The following PBX3 variants were observed in gnomAD, a reference collection of about 807,000 sequenced individuals.
The protein encoded by PBX3 is pre-B-cell leukemia transcription factor 3.
In PBX3, 14 loss-of-function variants were observed where a neutral mutation model predicts 48.5. The observed-to-expected ratio is 0.29, with a 90% CI of 0.19 to 0.45. The LOEUF (loss-of-function observed/expected upper bound fraction) is 0.45. PBX3 is among the 20% of genes least tolerant of loss of function. The pLI is 1.00. For missense variants in PBX3, 386 were observed against 546.7 expected, an observed-to-expected ratio of 0.71 and a Z score of 2.93; for synonymous variants, 210 against 200.3, an observed-to-expected ratio of 1.05 and a Z score of -0.41.
chr9:125,835,265 A>G (rs906156876), intron 2 of PBX3, among the ~76,000 whole-genome samples: 3 of 152,144 alleles, frequency 2.0e-5, no homozygotes, highest in African/African-American at 7.2e-5. Context: ...CAGTATTAAT[A>G]TCCTTGTTTG....
chr9:125,780,983 C>G (rs1455610479), intron 2 of PBX3, among the ~76,000 whole-genome samples: 2 of 103,222 alleles, frequency 1.9e-5, no homozygotes, highest in Admixed American at 9.9e-5. Flanking sequence ...AGAGGCGCTC[C>G]TCACTTCCTA....
At chr9:125,790,361 T>C (rs1342227195) in intron 2 of PBX3, among the ~76,000 whole-genome samples, 1 of 151,830 alleles carries the variant, frequency 6.6e-6, no homozygotes, top group Non-Finnish European at 1.5e-5. Context: ...CAAGTGATTC[T>C]CGTGCTTCAG....
intron 2 of PBX3, among the ~76,000 whole-genome samples, chr9:125,874,793 CAA>C (rs1187744540): frequency 1.3e-5 from 2 of 152,130 alleles, no homozygotes; most frequent in Non-Finnish European, 2.9e-5. Context: ...CTATCAAAGT[CAA>C]AGATTGGCAT....
intron 2 of PBX3, among the ~76,000 whole-genome samples, chr9:125,824,420 A>G (rs1838748003): frequency 6.6e-6 from 1 of 152,228 alleles, no homozygotes; most frequent in Admixed American, 6.5e-5. Flanking sequence ...TTATTGATCC[A>G]GTATTTCAAA....
chr9:125,756,441 A>G (rs1240852529), intron 2 of PBX3, among the ~76,000 whole-genome samples: 1 of 152,208 alleles, frequency 6.6e-6, no homozygotes, highest in African/African-American at 2.4e-5. Flanking sequence ...GTTTACTCAA[A>G]CATGGAACTT....
chr9:125,964,005 C>A (rs143966563), intron 8 of PBX3, among the ~76,000 whole-genome samples: 1 of 152,020 alleles, frequency 6.6e-6, no homozygotes, highest in South Asian at 2.1e-4. Flanking sequence ...ATATAAAAAG[C>A]CTTTTAGTTG....
intron 3 of PBX3, among the ~76,000 whole-genome samples, chr9:125,917,279 C>CAT (rs1461744277): frequency 6.6e-6 from 1 of 152,178 alleles, no homozygotes; most frequent in Non-Finnish European, 1.5e-5. Flanking sequence ...AGAGATATCA[C>CAT]ATATACCTCC....
intron 2 of PBX3, among the ~76,000 whole-genome samples, chr9:125,903,408 A>G (rs1472097023): frequency 6.6e-6 from 1 of 151,812 alleles, no homozygotes; most frequent in African/African-American, 2.4e-5. Flanking sequence ...GGCATTATAT[A>G]TTTGTTGTCC....
intron 5 of PBX3, among the ~76,000 whole-genome samples, chr9:125,953,462 G>A (rs1842234309): frequency 1.5e-5 from 2 of 134,100 alleles, no homozygotes; most frequent in African/African-American, 5.5e-5. Context: ...GCGCAACAGA[G>A]CGAGACCCTG....
chr9:125,790,054 T>C (rs1169086636), intron 2 of PBX3, among the ~76,000 whole-genome samples: 9 of 152,194 alleles, frequency 5.9e-5, no homozygotes, highest in Admixed American at 5.9e-4. Flanking sequence ...ACAAGTTATC[T>C]GAAGACATCT....
chr9:125,887,844 C>T (rs918740586), intron 2 of PBX3, among the ~76,000 whole-genome samples: 1 of 152,100 alleles, frequency 6.6e-6, no homozygotes, highest in Non-Finnish European at 1.5e-5. Context: ...CATAAAGCAG[C>T]ATTTGTTAAT....
At chr9:125,900,633 A>C (rs1171206963) in intron 2 of PBX3, among the ~76,000 whole-genome samples, 1 of 151,780 alleles carries the variant, frequency 6.6e-6, no homozygotes, top group African/African-American at 2.4e-5. Context: ...CTTTACACCT[A>C]AACAAACCAC....
At chr9:125,818,057 A>T in intron 2 of PBX3, among the ~76,000 whole-genome samples, 1 of 152,022 alleles carries the variant, frequency 6.6e-6, no homozygotes, top group Non-Finnish European at 1.5e-5. Flanking sequence ...AAAATTAGCT[A>T]GCATAGTGGC....
chr9:125,908,658 G>T (rs1235231710), intron 2 of PBX3, among the ~76,000 whole-genome samples: 1 of 152,030 alleles, frequency 6.6e-6, no homozygotes, highest in African/African-American at 2.4e-5. Context: ...TAGAGTAGCT[G>T]GGGTCACAAA....
At chr9:125,953,805 T>A (rs1842244625) in intron 5 of PBX3, among the ~76,000 whole-genome samples, 1 of 152,166 alleles carries the variant, frequency 6.6e-6, no homozygotes, top group South Asian at 2.1e-4. Flanking sequence ...GGGGTTCCCA[T>A]GCTGTGCTCA....
At chr9:125,756,900 G>A (rs1049166460) in intron 2 of PBX3, among the ~76,000 whole-genome samples, 8 of 152,098 alleles carry the variant, frequency 5.3e-5, no homozygotes, top group Non-Finnish European at 1.2e-4. Flanking sequence ...CCCTGAACTA[G>A]TTAAATCAGT....
intron 2 of PBX3, among the ~76,000 whole-genome samples, chr9:125,754,280 AACTG>A (rs536259266): frequency 2.7e-4 from 41 of 152,194 alleles, no homozygotes; most frequent in African/African-American, 9.1e-4. Flanking sequence ...TTTAGGTATT[AACTG>A]ACTAACAAAG....
At chr9:125,880,224 C>T (rs1326631558) in intron 2 of PBX3, among the ~76,000 whole-genome samples, 1 of 152,086 alleles carries the variant, frequency 6.6e-6, no homozygotes, top group East Asian at 1.9e-4. Flanking sequence ...TTTGTATTTT[C>T]AGTAGAGACA....
intron 2 of PBX3, among the ~76,000 whole-genome samples, chr9:125,848,223 G>A (rs1839479962): frequency 6.6e-6 from 1 of 152,020 alleles, no homozygotes; most frequent in African/African-American, 2.4e-5. Flanking sequence ...CATGAACAAT[G>A]ATCAGTTCTC....
Sources: gnomAD v4.1 joint callset for allele counts (sites outside exome capture counted in the v4.1 genomes callset) on GRCh38, gnomAD v4.1.1 for gene constraint, MANE v1.5 for transcripts, NCBI Gene and HGNC (gene_info 2026-07-23, HGNC 2026-07-21) for gene names.